Variants in TCF4 observed in about 807,000 individuals in gnomAD.
TCF4 encodes the protein SL3-3 enhancer factor 2.
In TCF4, 3 loss-of-function variants were observed where a neutral mutation model predicts 82.1. The ratio of observed to expected loss-of-function variants is 0.04; its 90% CI spans 0.02 to 0.09. TCF4 has a LOEUF of 0.09. Ranked by LOEUF, TCF4 falls within the 10% of genes least tolerant of loss-of-function variation. The probability of loss-of-function intolerance (pLI) is 1.00; values close to 1 mark genes in which losing one functional copy is unlikely to be tolerated. For missense variants in TCF4, 518 were observed against 852.7 expected, an observed-to-expected ratio of 0.61 and a Z score of 4.89; for synonymous variants, 276 against 309.6, an observed-to-expected ratio of 0.89 and a Z score of 1.14.
intron 6 of TCF4, chr18:55,351,855 C>T: frequency 1.1e-6 from 1 of 914,532 alleles, no homozygotes; most frequent in Non-Finnish European, 1.3e-6. Context: ...TTTAATTATT[C>T]TGATATGCAA....
At chr18:55,584,152 A>G (rs1249793784) in intron 3 of TCF4, among the ~76,000 whole-genome samples, 5 of 152,180 alleles carry the variant, frequency 3.3e-5, no homozygotes, top group Non-Finnish European at 5.9e-5. Flanking sequence ...TAAAGCCATT[A>G]GTTTTATAAA....
rs747902484 is a variant in TCF4, at chr18:55,505,041, C to T, written c.146-40904G>A. The stretch of plus-strand genomic sequence containing the variant: ...AATAAAACTGTCCTATAAATGTGAA[C>T]AAGACAGTTAGGATACATTTTGGGG... On this transcript the variant is annotated intron_variant, in intron 3 of 19. Transcript: ENST00000354452. Among the ~76,000 whole-genome samples, 6 of 152,168 alleles carry T rather than the reference C, an allele frequency of 3.9e-5. 1 individual carries two copies. Among genetic ancestry groups the T allele is most frequent in the Non-Finnish European group, 8.8e-5 (6 of 68,024 alleles).
intron 3 of TCF4, among the ~76,000 whole-genome samples, chr18:55,503,657 G>A (rs563769191): frequency 1.3e-5 from 2 of 152,278 alleles, no homozygotes; most frequent in Non-Finnish European, 2.9e-5. Flanking sequence ...TCAGGTCAAA[G>A]TACAGAATTT....
intron 3 of TCF4, among the ~76,000 whole-genome samples, chr18:55,559,749 A>G (rs2097338960): frequency 6.6e-6 from 1 of 152,106 alleles, no homozygotes; most frequent in African/African-American, 2.4e-5. Flanking sequence ...TGTAAAATTA[A>G]TAATTAAATA....
At chr18:55,319,362 T>G (rs949567760) in intron 8 of TCF4, among the ~76,000 whole-genome samples, 1 of 152,092 alleles carries the variant, frequency 6.6e-6, no homozygotes, top group Non-Finnish European at 1.5e-5. Context: ...GCTTCCTCAG[T>G]GTATGCATGA....
chr18:55,542,754 A>T (rs2097175052), intron 3 of TCF4, among the ~76,000 whole-genome samples: 1 of 152,034 alleles, frequency 6.6e-6, no homozygotes, highest in African/African-American at 2.4e-5. Flanking sequence ...TTATGAAGGC[A>T]AAATCCAATG....
intron 8 of TCF4, among the ~76,000 whole-genome samples, chr18:55,299,451 CTT>C (rs113065305): frequency 4.0e-4 from 47 of 116,732 alleles, no homozygotes; most frequent in Non-Finnish European, 6.2e-4. Flanking sequence ...CATGTTTCTG[CTT>C]TTTTTTTTTT....
chr18:55,463,031 C>A (rs180706655), intron 4 of TCF4, among the ~76,000 whole-genome samples: 164 of 152,226 alleles, frequency 1.1e-3, no homozygotes, highest in African/African-American at 3.9e-3. Context: ...TGGAACCTTC[C>A]CCCAACCCAA....
intron 8 of TCF4, among the ~76,000 whole-genome samples, chr18:55,328,953 AT>A (rs1382044457): frequency 6.6e-6 from 1 of 152,154 alleles, no homozygotes; most frequent in Non-Finnish European, 1.5e-5. Flanking sequence ...CTAACTGTTG[AT>A]TACCTTTGTT....
At chr18:55,604,851 G>A (rs2097700814) in intron 2 of TCF4, among the ~76,000 whole-genome samples, 1 of 152,204 alleles carries the variant, frequency 6.6e-6, no homozygotes, top group African/African-American at 2.4e-5. Context: ...CAGGGGAATG[G>A]GAAGAAGTGG....
chr18:55,513,578 C>T (rs1280014472), intron 3 of TCF4, among the ~76,000 whole-genome samples: 1 of 151,984 alleles, frequency 6.6e-6, no homozygotes, highest in Non-Finnish European at 1.5e-5. Context: ...TATCTAACTA[C>T]TCTCAAAGCT....
intron 2 of TCF4, among the ~76,000 whole-genome samples, chr18:55,617,689 A>G (rs1281989138): frequency 6.6e-6 from 1 of 151,912 alleles, no homozygotes; most frequent in African/African-American, 2.4e-5. Context: ...TTTTGATGCT[A>G]TTATAAATTG....
At chr18:55,463,900 A>G (rs1349913438) in intron 4 of TCF4, among the ~76,000 whole-genome samples, 176 bp downstream of exon 4, 1 of 151,604 alleles carries the variant, frequency 6.6e-6, no homozygotes, top group African/African-American at 2.4e-5. Flanking sequence ...TAAACTTAGT[A>G]TGCACATATA....
intron 6 of TCF4, among the ~76,000 whole-genome samples, chr18:55,391,317 T>C (rs954941039): frequency 2.6e-5 from 4 of 152,218 alleles, no homozygotes; most frequent in African/African-American, 9.6e-5. Context: ...TCCCCAACTT[T>C]CATGAGTTTT....
chr18:55,601,020 C>A (rs2097696315), intron 2 of TCF4, among the ~76,000 whole-genome samples: 2 of 152,068 alleles, frequency 1.3e-5, no homozygotes, highest in South Asian at 4.1e-4. Context: ...CGCAGGAAGG[C>A]CCAGAACAAT....
chr18:55,491,581 CTAAT>C (rs2096577436), intron 3 of TCF4, among the ~76,000 whole-genome samples: 1 of 152,150 alleles, frequency 6.6e-6, no homozygotes, highest in Admixed American at 6.6e-5. Context: ...TACCAGTTCT[CTAAT>C]TGAATCTTCC....
intron 8 of TCF4, among the ~76,000 whole-genome samples, chr18:55,324,094 G>A (rs2076161875): frequency 6.6e-6 from 1 of 152,078 alleles, no homozygotes; most frequent in Admixed American, 6.5e-5. Flanking sequence ...TTAATCTGAT[G>A]AGGTGAAATC....
chr18:55,564,757 A>G (rs2097387066), intron 3 of TCF4, among the ~76,000 whole-genome samples: 1 of 152,214 alleles, frequency 6.6e-6, no homozygotes, highest in African/African-American at 2.4e-5. Context: ...ACAAGAGATG[A>G]CTTAAGAAGA....
chr18:55,379,085 CCT>C (rs1390328768), intron 6 of TCF4, among the ~76,000 whole-genome samples: 2 of 152,290 alleles, frequency 1.3e-5, no homozygotes, highest in East Asian at 3.9e-4. Flanking sequence ...AGATGACCTC[CCT>C]GTTTCAAAGA....
Sources: gnomAD v4.1 joint callset for allele counts (sites outside exome capture counted in the v4.1 genomes callset) on GRCh38, gnomAD v4.1.1 for gene constraint, MANE v1.5 for transcripts, NCBI Gene and HGNC (gene_info 2026-07-23, HGNC 2026-07-21) for gene names.